Variants in CDH15 observed in about 807,000 individuals in gnomAD.
The protein encoded by CDH15 is cadherin 15.
CDH15 carries 73 observed loss-of-function variants against 69.4 expected under a neutral mutation model. The observed-to-expected ratio is 1.05, with a 90% CI of 0.87 to 1.28. The LOEUF (loss-of-function observed/expected upper bound fraction) is 1.28. CDH15 is among the 50% of genes most tolerant of loss of function. The pLI, the probability that CDH15 is intolerant of heterozygous loss-of-function variation, is 0.00. For missense variants in CDH15, 1,343 were observed against 1,133.6 expected (o/e 1.18, Z -2.65); for synonymous variants, 624 against 507.7 (o/e 1.23, Z -3.08).
chr16:89,195,389 C>T lies in CDH15; in HGVS notation c.*234C>T, dbSNP rs1915786192. On this transcript the variant is annotated 3_prime_UTR_variant, in exon 14 of 14. Coordinates refer to ENST00000289746, the MANE Select transcript of CDH15 (RefSeq NM_004933.3). ...CCATCGGCCCCATGCGGGTCACCTC[C>T]CTAGTCCCACCTTTGCCTCCTACCA... The T allele has an allele frequency of 2.0e-5, 11 of 557,054 alleles. No homozygotes were observed. 34.5% of individuals were successfully genotyped at this position (557,054 alleles called of 1,614,324 possible).
At chr16:89,172,550 C>T (rs1915179144) in intron 1 of CDH15, among the ~76,000 whole-genome samples, 1 of 152,176 alleles carries the variant, frequency 6.6e-6, no homozygotes, top group African/African-American at 2.4e-5. Context: ...GCCCAGCCCC[C>T]AGAGGCTGCT....
intron 1 of CDH15, among the ~76,000 whole-genome samples, chr16:89,175,384 T>C (rs1042274269): frequency 2.6e-5 from 4 of 152,260 alleles, no homozygotes; most frequent in African/African-American, 9.6e-5. Context: ...GGTGTGGCTC[T>C]GTGGCTGGAT....
At chr16:89,178,920 A>G (rs1031243735) in intron 1 of CDH15, among the ~76,000 whole-genome samples, 1 of 152,180 alleles carries the variant, frequency 6.6e-6, no homozygotes, top group African/African-American at 2.4e-5. Flanking sequence ...TCTTGGGGTC[A>G]TTCCGTGTCA....
rs757230610 is a variant in CDH15, at chr16:89,188,071, GGTAACTGGGGCTGGGA to G, written c.793-28_793-13del. On this transcript the variant is annotated splice_polypyrimidine_tract_variant and intron_variant, in intron 6 of 13. Transcript: ENST00000289746. Reference sequence around the variant, plus strand: ...CCCATGCTGTCCCCCCAGCCCTGCTGGTAACTGGGGCTGGGATCCCCCACCCAGTTCTTCATGGAGG... The same window carrying G: ...CCCATGCTGTCCCCCCAGCCCTGCTGTCCCCCACCCAGTTCTTCATGGAGG... 1 of 1,587,200 alleles carries G rather than the reference GGTAACTGGGGCTGGGA, an allele frequency of 6.3e-7. No individual in the cohort carries two copies. The highest frequency in any genetic ancestry group is 1.7e-5 in the Admixed American group (1 of 57,302).
chr16:89,185,191 C>T lies in CDH15; in HGVS notation c.521C>T (p.Ala174Val). Residue 174 changes from alanine to valine, a missense_variant, in exon 5 of 14, where the codon GCA becomes GTA. Ala to Val is a moderately conservative substitution (Grantham distance 64). Transcript: ENST00000289746. ...GAVPGTYVTR[A>V]EATDADDPET... ...TTCCCAGGCACCTATGTGACCAGGG[C>T]AGAGGCCACAGATGCCGACGACCCC... is the stretch of plus-strand genomic sequence containing the variant. 2 of 1,602,504 alleles carry T rather than the reference C, an allele frequency of 1.2e-6. No homozygotes were observed. The highest frequency in any genetic ancestry group is 1.1e-5 in the South Asian group (1 of 89,388).
At chr16:89,175,020 CG>C (rs1567769750) in intron 1 of CDH15, among the ~76,000 whole-genome samples, 3 of 152,168 alleles carry the variant, frequency 2.0e-5, no homozygotes, top group African/African-American at 7.2e-5. Flanking sequence ...CCCCGAGAGC[CG>C]GAAGTGGGCC....
intron 6 of CDH15, 135 bp downstream of exon 6, chr16:89,187,692 C>G (rs1196592612): frequency 2.3e-6 from 3 of 1,307,856 alleles, no homozygotes; most frequent in Non-Finnish European, 3.2e-6. Context: ...TCCGCGTGGG[C>G]GGGTGGAAGC....
intron 1 of CDH15, among the ~76,000 whole-genome samples, chr16:89,177,958 C>G (rs1306648946): frequency 6.6e-6 from 1 of 152,198 alleles, no homozygotes; most frequent in Admixed American, 6.5e-5. Context: ...CTCTAAGCTT[C>G]CCTTTGACCA....
chr16:89,175,028 G>C (rs1430808248), intron 1 of CDH15, among the ~76,000 whole-genome samples: 1 of 152,188 alleles, frequency 6.6e-6, no homozygotes, highest in African/African-American at 2.4e-5. Flanking sequence ...GCCGGAAGTG[G>C]GCCGTGGCCA....
intron 1 of CDH15, among the ~76,000 whole-genome samples, chr16:89,173,537 A>C (rs191643029): frequency 1.3e-5 from 2 of 152,192 alleles, no homozygotes; most frequent in East Asian, 3.9e-4. Context: ...GCCAGATGGC[A>C]AGGGGACTAT....
chr16:89,193,679 C>T (rs934331015), intron 12 of CDH15, 73 bp downstream of exon 12: 9 of 1,568,646 alleles, frequency 5.7e-6, no homozygotes, highest in East Asian at 2.4e-5. Context: ...AACAAGCTGG[C>T]CAGGAGCCTG....
chr16:89,177,925 C>A (rs1915293603), intron 1 of CDH15, among the ~76,000 whole-genome samples: 1 of 152,086 alleles, frequency 6.6e-6, no homozygotes, highest in South Asian at 2.1e-4. Context: ...CCTGGGGATC[C>A]CAGGACAGGC....
At chr16:89,186,900 CA>C (rs1915503006) in intron 5 of CDH15, among the ~76,000 whole-genome samples, 1 of 150,008 alleles carries the variant, frequency 6.7e-6, no homozygotes, top group Non-Finnish European at 1.5e-5. Flanking sequence ...AAACACCCAG[CA>C]CACAGTAGGT....
At chr16:89,191,518 C>G (rs778356104) in intron 9 of CDH15, 46 bp downstream of exon 9, 8 of 1,605,746 alleles carry the variant, frequency 5.0e-6, no homozygotes, top group Non-Finnish European at 5.9e-6. Context: ...GGCCTTGTCC[C>G]GGCTGAGCAC....
At position 89,191,635 on chromosome 16, in the gene CDH15, C is replaced by T. The variant is rs766534966; in HGVS notation, c.1376-20C>T. 1.0e-5 allele frequency: 16 copies of T among 1,572,258 alleles called. No individual in the cohort carries two copies. The East Asian group carries it at 1.9e-4, about 18-fold the overall frequency. On this transcript the variant is annotated intron_variant, in intron 9 of 13. Coordinates refer to ENST00000289746, the MANE Select transcript of CDH15 (RefSeq NM_004933.3). Reference sequence around the variant, plus strand: ...GGCTGGGGTGTTGGGGTCACTAAGCCGCGGCCTCCTCGCCTGCAGCCTCCC... The same window carrying T: ...GGCTGGGGTGTTGGGGTCACTAAGCTGCGGCCTCCTCGCCTGCAGCCTCCC...
intron 1 of CDH15, among the ~76,000 whole-genome samples, chr16:89,175,014 G>A (rs766533402): frequency 3.4e-4 from 51 of 152,190 alleles, no homozygotes; most frequent in Non-Finnish European, 5.1e-4. Context: ...GAACGCCCCC[G>A]AGAGCCGGAA....
intron 6 of CDH15, 130 bp from the exon 7 acceptor site, chr16:89,187,970 C>A: frequency 1.2e-6 from 1 of 804,262 alleles, no homozygotes; most frequent in South Asian, 1.7e-5. Flanking sequence ...TCGACAGGAG[C>A]AAGGGAGGGT....
chr16:89,195,075 G>A lies in CDH15; in HGVS notation c.2365G>A (p.Gly789Arg), dbSNP rs370524719. The A allele has an allele frequency of 2.5e-5, 41 of 1,611,910 alleles. No homozygotes were observed. Among genetic ancestry groups the A allele is most frequent in the African/African-American group, 2.1e-4 (16 of 74,916 alleles). The change falls in exon 14 of 14, where the codon GGG becomes AGG. Residue 789 changes from glycine (G) to arginine (R), a missense_variant. Transcript: ENST00000289746. The part of the protein sequence containing the change: ...MYGHPCGLEY[G>R]ARWDHQAREG... ...TGGGCACCCGTGCGGGTTGGAGTAC[G>A]GGGCCAGATGGGACCACCAGGCCAG...
chr16:89,185,495 C>A, intron 5 of CDH15, 162 bp downstream of exon 5: 1 of 858,588 alleles, frequency 1.2e-6, no homozygotes, highest in South Asian at 1.4e-5. Flanking sequence ...TGGGGTGAAC[C>A]CACTGATGCG....
Sources: gnomAD v4.1 joint callset for allele counts (sites outside exome capture counted in the v4.1 genomes callset) on GRCh38, gnomAD v4.1.1 for gene constraint, MANE v1.5 for transcripts, NCBI Gene and HGNC (gene_info 2026-07-23, HGNC 2026-07-21) for gene names.